The following TJP1 variants were observed in gnomAD, a reference collection of about 807,000 sequenced individuals.
TJP1 encodes tight junction protein 1, also known as tight junction protein ZO-1.
TJP1 carries 43 observed loss-of-function variants against 194.2 expected under a neutral mutation model. The ratio of observed to expected loss-of-function variants is 0.22; its 90% CI spans 0.17 to 0.29. TJP1 has a LOEUF of 0.29. TJP1 is among the 10% of genes least tolerant of loss of function. The probability of loss-of-function intolerance (pLI) is 1.00; values close to 1 mark genes in which losing one functional copy is unlikely to be tolerated. For synonymous variants in TJP1, 801 were observed against 779.0 expected (o/e 1.03, Z -0.47); for missense variants, 1,971 against 2,185.7 (o/e 0.90, Z 1.96).
chr15:29,723,945 C>A (rs1595635149), intron 18 of TJP1, among the ~76,000 whole-genome samples: 1 of 152,296 alleles, frequency 6.6e-6, no homozygotes, highest in East Asian at 1.9e-4. Flanking sequence ...CTCAGTTACT[C>A]ATGAGAGCTG....
At chr15:29,949,511 TCCACC>T (rs2055494993) in intron 2 of TJP1, among the ~76,000 whole-genome samples, 8 of 18,120 alleles carry the variant, frequency 4.4e-4, no homozygotes, top group Admixed American at 6.7e-4. Flanking sequence ...AACCACCACC[TCCACC>T]TCCACCACCA....
chr15:29,762,703 C>T (rs2046085166), intron 5 of TJP1, among the ~76,000 whole-genome samples: 1 of 152,050 alleles, frequency 6.6e-6, no homozygotes, highest in African/African-American at 2.4e-5. Flanking sequence ...GGAGAAAATC[C>T]CCAAGAGGAC....
intron 18 of TJP1, among the ~76,000 whole-genome samples, chr15:29,723,539 CG>C (rs1159151570): frequency 6.6e-6 from 1 of 152,170 alleles, no homozygotes; most frequent in Non-Finnish European, 1.5e-5. Flanking sequence ...ATAAGTTACC[CG>C]GTCTCAGGTA....
chr15:29,863,573 C>G (rs189599145), intron 2 of TJP1, among the ~76,000 whole-genome samples: 10 of 152,220 alleles, frequency 6.6e-5, no homozygotes, highest in Admixed American at 5.9e-4. Flanking sequence ...CCTCTTTAGG[C>G]TCGCCCAGGC....
chr15:29,926,667 G>A (rs1217138036), intron 2 of TJP1, among the ~76,000 whole-genome samples: 2 of 151,098 alleles, frequency 1.3e-5, no homozygotes, highest in East Asian at 1.9e-4. Context: ...TATGTGTGAC[G>A]GACAATGACT....
chr15:29,964,297 C>T (rs1490478368), intron 1 of TJP1, among the ~76,000 whole-genome samples: 3 of 151,982 alleles, frequency 2.0e-5, no homozygotes, highest in African/African-American at 7.3e-5. Context: ...TCTAATATGG[C>T]CTGCAGAAGA....
chr15:29,872,530 T>C (rs576312667), intron 2 of TJP1, among the ~76,000 whole-genome samples: 55 of 152,304 alleles, frequency 3.6e-4, no homozygotes, highest in African/African-American at 1.2e-3. Context: ...CATAACCTCT[T>C]TGAGACTTGA....
intron 25 of TJP1, among the ~76,000 whole-genome samples, chr15:29,707,824 A>C (rs1485639579): frequency 1.3e-5 from 2 of 152,194 alleles, no homozygotes. Context: ...AGGAACATAG[A>C]TACTTAATGT....
chr15:29,851,812 A>G (rs1025530418), intron 2 of TJP1, among the ~76,000 whole-genome samples: 3 of 152,226 alleles, frequency 2.0e-5, no homozygotes, highest in African/African-American at 7.2e-5. Context: ...GCATGGTGGC[A>G]TCTGCCTTCT....
At chr15:29,735,878 G>C (rs2044000095) in intron 11 of TJP1, among the ~76,000 whole-genome samples, 1 of 152,140 alleles carries the variant, frequency 6.6e-6, no homozygotes, top group African/African-American at 2.4e-5. Context: ...AGGATTCAAT[G>C]AGAAAATGAC....
chr15:29,722,027 C>G (rs2042959580), intron 18 of TJP1, among the ~76,000 whole-genome samples: 1 of 152,188 alleles, frequency 6.6e-6, no homozygotes, highest in African/African-American at 2.4e-5. Context: ...AACAGATTAT[C>G]TGAAACTGGA....
chr15:29,846,097 C>T (rs1777283176), intron 2 of TJP1, among the ~76,000 whole-genome samples: 1 of 152,196 alleles, frequency 6.6e-6, no homozygotes, highest in South Asian at 2.1e-4. Flanking sequence ...CGTCTTTCTT[C>T]TCTTGCCTCC....
chr15:29,901,616 G>C (rs2053636705), intron 2 of TJP1, among the ~76,000 whole-genome samples: 1 of 152,080 alleles, frequency 6.6e-6, no homozygotes, highest in South Asian at 2.1e-4. Context: ...GAGGTCAGGA[G>C]TTCAAGACCA....
intron 1 of TJP1, among the ~76,000 whole-genome samples, chr15:29,808,752 C>T (rs929424051): frequency 6.6e-6 from 1 of 151,972 alleles, no homozygotes; most frequent in African/African-American, 2.4e-5. Context: ...AGAAGCACTC[C>T]AGCTAACCAA....
chr15:29,754,685 T>C (rs975228667), intron 8 of TJP1, among the ~76,000 whole-genome samples: 10 of 152,202 alleles, frequency 6.6e-5, no homozygotes, highest in African/African-American at 1.7e-4. Context: ...ACCAGAACTG[T>C]TTTGGATTTC....
At chr15:29,893,156 T>A (rs1427963379) in intron 2 of TJP1, among the ~76,000 whole-genome samples, 3 of 152,030 alleles carry the variant, frequency 2.0e-5, no homozygotes, top group African/African-American at 4.8e-5. Flanking sequence ...TAACTGCAGA[T>A]GTGGGGGGAA....
intron 2 of TJP1, among the ~76,000 whole-genome samples, chr15:29,944,144 G>A (rs1409494287): frequency 6.6e-6 from 1 of 151,480 alleles, no homozygotes; most frequent in Non-Finnish European, 1.5e-5. Context: ...CTAGGCTGGA[G>A]TGCAGTGGTG....
intron 2 of TJP1, among the ~76,000 whole-genome samples, chr15:29,841,449 C>A (rs2051222228): frequency 6.6e-6 from 1 of 152,166 alleles, no homozygotes; most frequent in Non-Finnish European, 1.5e-5. Context: ...CTATACTTTG[C>A]AACACTTAGT....
chr15:29,813,212 G>A lies in TJP1; in HGVS notation c.27+8790C>T, dbSNP rs949899833. Among the ~76,000 whole-genome samples the A allele has an allele frequency of 2.6e-5, 4 of 152,026 alleles. 1 individual carries two copies. The highest frequency in any genetic ancestry group is 2.6e-4 in the Admixed American group (4 of 15,260). On this transcript the variant is annotated intron_variant, in intron 1 of 27. Coordinates refer to ENST00000614355, the MANE Select transcript of TJP1 (RefSeq NM_001330239.4). Reference sequence around the variant, plus strand: ...TTACTACTAAAACATACTTTAGTATGACAAACATCTTAGTCATAAAATATC... The same window carrying A: ...TTACTACTAAAACATACTTTAGTATAACAAACATCTTAGTCATAAAATATC...
Sources: allele counts gnomAD v4.1 joint callset (sites outside exome capture counted in the v4.1 genomes callset), GRCh38; gene constraint gnomAD v4.1.1; transcripts MANE v1.5; gene names NCBI Gene and HGNC (gene_info 2026-07-23, HGNC 2026-07-21).